Variants in AFAP1 observed in about 807,000 individuals in gnomAD.
AFAP1 encodes the protein actin filament-associated protein 1.
Under a neutral mutation model 93.9 loss-of-function variants are expected in AFAP1, and 75 were observed. That is an observed-to-expected ratio of 0.80 (90% CI 0.66 to 0.97). The LOEUF is 0.97. AFAP1 is among the 50% of genes least tolerant of loss of function. AFAP1 has a pLI of 0.00. For synonymous variants in AFAP1, 517 were observed against 430.7 expected, an observed-to-expected ratio of 1.20 and a Z score of -2.48; for missense variants, 1,201 against 1,050.8, an observed-to-expected ratio of 1.14 and a Z score of -1.98.
intron 7 of AFAP1, among the ~76,000 whole-genome samples, chr4:7,817,920 C>A (rs1043754459): frequency 6.6e-6 from 1 of 151,842 alleles, no homozygotes; most frequent in Non-Finnish European, 1.5e-5. Flanking sequence ...TTTTTTCATC[C>A]CATTTATGTT....
rs749585201 is a variant in AFAP1 at position 7,871,976 on chromosome 4, G to T, written c.103C>A (p.Leu35Met). Residue 35 changes from leucine to methionine, a missense_variant, in exon 2 of 18, where the codon CTG (leucine) becomes ATG (methionine). Physicochemically the swap from Leu to Met is conservative, Grantham distance 15 (BLOSUM62 2). Coordinates refer to ENST00000420658, the MANE Select transcript of AFAP1 (RefSeq NM_001134647.2). ...CCTTTGGATGACTGTATTCTTAGCA[G>T]AATGTTGGTTATCACTGCCTTTTTC... ...REKKAVITNI[L>M]LRIQSSKGFD... The T allele has an allele frequency of 5.0e-6, 8 of 1,614,102 alleles. No individual in the cohort carries two copies. The highest frequency in any genetic ancestry group is 1.6e-4 in the Middle Eastern group (1 of 6,084).
chr4:7,816,989 GGGGAATCCA>G (rs1720535697), intron 7 of AFAP1, among the ~76,000 whole-genome samples: 1 of 152,178 alleles, frequency 6.6e-6, no homozygotes, highest in Admixed American at 6.5e-5. Flanking sequence ...GGAACAGCTG[GGGGAATCCA>G]GGGCAACAGG....
chr4:7,810,796 G>A (rs562588469), intron 8 of AFAP1, among the ~76,000 whole-genome samples: 9 of 152,298 alleles, frequency 5.9e-5, no homozygotes, highest in East Asian at 1.9e-4. Flanking sequence ...CAGACGGGCC[G>A]GTGAGGGACA....
chr4:7,859,943 A>G (rs1356334192), intron 3 of AFAP1, among the ~76,000 whole-genome samples: 1 of 152,016 alleles, frequency 6.6e-6, no homozygotes, highest in East Asian at 1.9e-4. Context: ...GGAGCTCAAG[A>G]CCAGCCTGGG....
intron 6 of AFAP1, among the ~76,000 whole-genome samples, chr4:7,835,381 T>C (rs1298399866): frequency 9.7e-6 from 1 of 102,678 alleles, no homozygotes; most frequent in Non-Finnish European, 2.2e-5. Flanking sequence ...TGGGCTGTCT[T>C]GAGGTTACCT....
chr4:7,854,791 G>A (rs1350195552), intron 4 of AFAP1, among the ~76,000 whole-genome samples: 3 of 152,080 alleles, frequency 2.0e-5, no homozygotes. Flanking sequence ...TTATGAGATG[G>A]TAGCCCCCCG....
At chr4:7,844,392 C>G (rs1179033439) in intron 4 of AFAP1, among the ~76,000 whole-genome samples, 5 of 152,178 alleles carry the variant, frequency 3.3e-5, no homozygotes, top group Non-Finnish European at 5.9e-5. Context: ...TGCTGGCAGT[C>G]TAACCTGGAC....
chr4:7,905,978 C>A (rs907700746), intron 1 of AFAP1, among the ~76,000 whole-genome samples: 1 of 152,196 alleles, frequency 6.6e-6, no homozygotes, highest in Non-Finnish European at 1.5e-5. Context: ...CGCACAAGGG[C>A]CAGCCTGGGG....
intron 3 of AFAP1, among the ~76,000 whole-genome samples, chr4:7,857,399 T>C (rs1715188994): frequency 6.6e-6 from 1 of 152,306 alleles, no homozygotes; most frequent in Admixed American, 6.5e-5. Context: ...CTCCAGACCA[T>C]CTGCACAATA....
intron 10 of AFAP1, 95 bp downstream of exon 10, chr4:7,800,347 G>T: frequency 1.5e-6 from 2 of 1,319,290 alleles, no homozygotes; most frequent in African/African-American, 1.5e-5. Flanking sequence ...AGCGAGATGG[G>T]AGGAATTTTG....
intron 1 of AFAP1, among the ~76,000 whole-genome samples, chr4:7,891,526 T>C (rs915187976): frequency 7.9e-5 from 12 of 152,094 alleles, no homozygotes; most frequent in African/African-American, 2.4e-4. Flanking sequence ...TAGGTAATAA[T>C]AGCATCAGAC....
Position 7,939,299 on chromosome 4 carries a change from C to T in AFAP1, c.-3+357G>A. 1 of 311,294 alleles carries T rather than the reference C, an allele frequency of 3.2e-6. No individual in the cohort carries two copies. The highest frequency in any genetic ancestry group is 2.4e-5 in the South Asian group (1 of 42,028). The allele number at this position is 311,294 out of a possible 1,614,324, so 19.3% of individuals were successfully genotyped here. A position where few individuals can be genotyped will look rare whatever the true frequency, so the allele number is the denominator to read the frequency against. ...CGGCGGAGCCTCCCACTCTTGGTGA[C>T]CCGGACCCCGCCCCACGAGTGGGTC... On this transcript the variant is annotated intron_variant, in intron 1 of 17. Transcript: ENST00000420658. This position sits in a 1 kb window ranked among gnomAD's most constrained non-coding sequence, Gnocchi z 5.6.
At chr4:7,800,317 G>T in intron 10 of AFAP1, 125 bp downstream of exon 10, 2 of 951,464 alleles carry the variant, frequency 2.1e-6, no homozygotes, top group Non-Finnish European at 3.2e-6. Flanking sequence ...AAAGAGGGTG[G>T]GCCCAAAAGA....
At position 7,873,427 on chromosome 4, in the gene AFAP1, A is replaced by C. The variant is rs189500448; in HGVS notation, c.-2-1347T>G. On this transcript the variant is annotated intron_variant, in intron 1 of 17. Transcript: ENST00000420658. ...GCAGTGGCACGATCTGGGCTCACTG[A>C]AAGCTCCGCCTCCTGGGTTCATGCC... Among the ~76,000 whole-genome samples, 706 of 122,312 alleles carry C rather than the reference A, an allele frequency of 5.8e-3. 4 individuals are homozygous for C. Among genetic ancestry groups the C allele is most frequent in the African/African-American group, 0.019 (608 of 31,474 alleles). The allele number at this position is 122,312 out of a possible 152,430, so 80.2% of individuals were successfully genotyped here.
At chr4:7,846,507 T>C (rs970028251) in intron 4 of AFAP1, among the ~76,000 whole-genome samples, 1 of 152,202 alleles carries the variant, frequency 6.6e-6, no homozygotes, top group South Asian at 2.1e-4. Flanking sequence ...ATGATTCTCA[T>C]AGCGGCCTGG....
intron 1 of AFAP1, among the ~76,000 whole-genome samples, chr4:7,879,064 CTT>C (rs998839876): frequency 6.6e-6 from 1 of 152,146 alleles, no homozygotes; most frequent in African/African-American, 2.4e-5. Flanking sequence ...AAAATGAAAT[CTT>C]TGAATTGGAA....
intron 3 of AFAP1, among the ~76,000 whole-genome samples, chr4:7,857,440 C>T (rs1715192620): frequency 6.6e-6 from 1 of 152,140 alleles, no homozygotes; most frequent in Non-Finnish European, 1.5e-5. Context: ...GAGTTACCTC[C>T]CTCCCGCCCC....
intron 1 of AFAP1, among the ~76,000 whole-genome samples, chr4:7,929,612 C>T (rs1172369638): frequency 2.6e-5 from 4 of 152,192 alleles, no homozygotes; most frequent in South Asian, 2.1e-4. Context: ...TGCACTCCCA[C>T]GGTATTCTAT....
chr4:7,810,468 G>C (rs965449953), intron 8 of AFAP1, among the ~76,000 whole-genome samples: 1 of 152,204 alleles, frequency 6.6e-6, no homozygotes, highest in African/African-American at 2.4e-5. Context: ...AAGGCAGCTA[G>C]TGCAGCTCTG....
Sources: allele counts gnomAD v4.1 joint callset (sites outside exome capture counted in the v4.1 genomes callset), GRCh38; gene constraint gnomAD v4.1.1; non-coding constraint Gnocchi (gnomAD v3.1); transcripts MANE v1.5; gene names NCBI Gene and HGNC (gene_info 2026-07-23, HGNC 2026-07-21).